Variants in GALNTL6 observed in about 807,000 individuals in gnomAD.
GALNTL6 encodes the protein polypeptide N-acetylgalactosaminyltransferase-like 6.
In GALNTL6, 46 loss-of-function variants were observed where a neutral mutation model predicts 73.7. The observed-to-expected ratio is 0.62, with a 90% CI of 0.49 to 0.80. The LOEUF (loss-of-function observed/expected upper bound fraction) is 0.80. Among genes scored for constraint, GALNTL6 ranks in the 30% least tolerant of loss-of-function variants. The pLI, the probability that GALNTL6 is intolerant of heterozygous loss-of-function variation, is 0.00. For missense variants in GALNTL6, 604 were observed against 755.0 expected (o/e 0.80, Z 2.34); for synonymous variants, 259 against 263.7 (o/e 0.98, Z 0.17).
intron 12 of GALNTL6, among the ~76,000 whole-genome samples, chr4:173,025,094 C>T (rs1002158981): frequency 5.3e-5 from 8 of 152,140 alleles, no homozygotes; most frequent in African/African-American, 1.4e-4. Context: ...GTTTCAGCAA[C>T]TCTCATTCCG....
chr4:171,980,214 A>G (rs1739856303), intron 2 of GALNTL6, among the ~76,000 whole-genome samples: 1 of 152,146 alleles, frequency 6.6e-6, no homozygotes. Flanking sequence ...AAAATTAAAA[A>G]CCATTCAATT....
intron 2 of GALNTL6, among the ~76,000 whole-genome samples, chr4:172,007,643 A>C (rs1048147562): frequency 1.3e-5 from 2 of 152,170 alleles, no homozygotes; most frequent in Non-Finnish European, 2.9e-5. Context: ...TCATCTTTTT[A>C]GTTCTCAGTT....
Position 172,934,864 on chromosome 4 carries a change from A to G in GALNTL6, c.1149+3596A>G, listed in dbSNP as rs772621810. ...AGTGGCAAATAGGTGGAAGAATCTCAAAGAAGAGATTCTTCTCTTCATTCC... is the reference window on the plus strand; with the variant it reads ...AGTGGCAAATAGGTGGAAGAATCTCGAAGAAGAGATTCTTCTCTTCATTCC... On this transcript the variant is annotated intron_variant, in intron 9 of 12. Transcript: ENST00000506823. 1.6e-4 allele frequency among the ~76,000 whole-genome samples: 25 copies of G among 152,252 alleles called. 1 individual carries two copies. Among genetic ancestry groups the G allele is most frequent in the Middle Eastern group, 3.4e-3 (1 of 294 alleles).
intron 5 of GALNTL6, among the ~76,000 whole-genome samples, chr4:172,596,068 TACG>T (rs1205891017): frequency 6.6e-6 from 1 of 152,206 alleles, no homozygotes; most frequent in Non-Finnish European, 1.5e-5. Flanking sequence ...ACATTTTAAA[TACG>T]ACTTTTCTTT....
At chr4:171,949,355 T>C (rs901928264) in intron 2 of GALNTL6, among the ~76,000 whole-genome samples, 1 of 152,224 alleles carries the variant, frequency 6.6e-6, no homozygotes, top group Non-Finnish European at 1.5e-5. Context: ...TAGAAATTTA[T>C]ATTTGTGTTC....
intron 5 of GALNTL6, among the ~76,000 whole-genome samples, chr4:172,703,689 G>C (rs1734162956): frequency 6.6e-6 from 1 of 151,894 alleles, no homozygotes; most frequent in Non-Finnish European, 1.5e-5. Flanking sequence ...GTTGGCATTA[G>C]GGTAATACTG....
chr4:172,838,353 G>A (rs1460111452), intron 7 of GALNTL6, among the ~76,000 whole-genome samples: 2 of 152,208 alleles, frequency 1.3e-5, no homozygotes, highest in South Asian at 2.1e-4. Context: ...GGAAGTGTCC[G>A]GTGGGCGGAG....
chr4:172,420,800 G>A (rs571298360), intron 5 of GALNTL6, among the ~76,000 whole-genome samples: 1 of 152,192 alleles, frequency 6.6e-6, no homozygotes, highest in East Asian at 1.9e-4. Context: ...TAAAGAAAAT[G>A]TGGCACATAT....
chr4:171,817,232 T>G (rs147678595), intron 2 of GALNTL6, among the ~76,000 whole-genome samples: 57 of 151,982 alleles, frequency 3.8e-4, no homozygotes, highest in Non-Finnish European at 1.8e-4. Context: ...TTTACAGTAC[T>G]TATGTGTAAA....
At chr4:172,979,161 G>A (rs1479855994) in intron 10 of GALNTL6, among the ~76,000 whole-genome samples, 3 of 152,212 alleles carry the variant, frequency 2.0e-5, no homozygotes, top group Admixed American at 6.5e-5. Context: ...TAACTGGAGT[G>A]TTGGGGTTTT....
At chr4:172,472,331 T>C (rs1200021015) in intron 5 of GALNTL6, among the ~76,000 whole-genome samples, 2 of 152,202 alleles carry the variant, frequency 1.3e-5, no homozygotes, top group Non-Finnish European at 2.9e-5. Context: ...CTGAAAGCAA[T>C]GGAGATATTT....
At chr4:172,624,921 G>C (rs1237842037) in intron 5 of GALNTL6, among the ~76,000 whole-genome samples, 2 of 151,836 alleles carry the variant, frequency 1.3e-5, no homozygotes, top group African/African-American at 2.4e-5. Flanking sequence ...CCCAGGTAGT[G>C]AGCATAGTAT....
At chr4:172,262,820 G>A (rs768899061) in intron 3 of GALNTL6, among the ~76,000 whole-genome samples, 1 of 151,406 alleles carries the variant, frequency 6.6e-6, no homozygotes, top group Non-Finnish European at 1.5e-5. Flanking sequence ...CTTAGTAGTG[G>A]CAAATTTTCT....
chr4:172,476,072 C>T (rs1260767357), intron 5 of GALNTL6, among the ~76,000 whole-genome samples: 1 of 152,176 alleles, frequency 6.6e-6, no homozygotes, highest in African/African-American at 2.4e-5. Context: ...TATCTGATAT[C>T]CAGTCGAATT....
chr4:172,853,718 A>T (rs1324201382), intron 7 of GALNTL6, among the ~76,000 whole-genome samples: 2 of 152,200 alleles, frequency 1.3e-5, no homozygotes, highest in African/African-American at 4.8e-5. Context: ...CTGAGGTAAC[A>T]TATTTGTATT....
chr4:172,309,653 G>T lies in GALNTL6; in HGVS notation c.248-1961G>T, dbSNP rs745316705. 3.1e-4 allele frequency among the ~76,000 whole-genome samples: 47 copies of T among 151,978 alleles called. 1 individual carries two copies. Among genetic ancestry groups the T allele is most frequent in the South Asian group, 4.2e-4 (2 of 4,818 alleles). On this transcript the variant is annotated intron_variant, in intron 3 of 12. Transcript: ENST00000506823. ...TATTGTTAACTATATAATTAGATAAGAAATCATGAGTTATGAAGAAAGAGG... is the reference window on the plus strand; with the variant it reads ...TATTGTTAACTATATAATTAGATAATAAATCATGAGTTATGAAGAAAGAGG...
intron 2 of GALNTL6, among the ~76,000 whole-genome samples, chr4:172,206,868 A>C (rs1332203866): frequency 1.6e-5 from 2 of 123,634 alleles, no homozygotes; most frequent in Non-Finnish European, 3.2e-5. Context: ...CCCAGGCTGG[A>C]GTGCAGTGGT....
At chr4:171,968,352 T>A (rs1411876645) in intron 2 of GALNTL6, among the ~76,000 whole-genome samples, 3 of 152,122 alleles carry the variant, frequency 2.0e-5, no homozygotes, top group Non-Finnish European at 4.4e-5. Context: ...GGAAAAACCA[T>A]CCCAATGTCT....
At chr4:172,018,387 C>A (rs1451425903) in intron 2 of GALNTL6, among the ~76,000 whole-genome samples, 1 of 151,990 alleles carries the variant, frequency 6.6e-6, no homozygotes, top group Non-Finnish European at 1.5e-5. Flanking sequence ...CTTGCTGAGG[C>A]CACTGTAGGG....
Sources: allele counts gnomAD v4.1 joint callset (sites outside exome capture counted in the v4.1 genomes callset), GRCh38; gene constraint gnomAD v4.1.1; transcripts MANE v1.5; gene names NCBI Gene and HGNC (gene_info 2026-07-23, HGNC 2026-07-21).